SGCD: variants seen among roughly 807,000 people sequenced by gnomAD.
The protein encoded by SGCD is sarcoglycan delta.
SGCD carries 18 observed loss-of-function variants against 36.6 expected under a neutral mutation model. The observed-to-expected ratio is 0.49, with a 90% CI of 0.34 to 0.73. The LOEUF (loss-of-function observed/expected upper bound fraction) is 0.73, where lower values mean the gene tolerates loss of function less well. Ranked by LOEUF, SGCD falls within the 30% of genes least tolerant of loss-of-function variation. The probability of loss-of-function intolerance (pLI) is 0.01; values close to 1 mark genes in which losing one functional copy is unlikely to be tolerated. For missense variants in SGCD, 387 were observed against 346.7 expected (o/e 1.12, Z -0.92); for synonymous variants, 133 against 130.6 (o/e 1.02, Z -0.12).
At chr5:156,608,959 C>G (rs529214491) in intron 6 of SGCD, among the ~76,000 whole-genome samples, 2,621 of 152,110 alleles carry the variant, frequency 0.017, 15 homozygotes, top group Non-Finnish European at 0.029. Context: ...AGATGGGTTT[C>G]CTGAATACAG....
At chr5:156,214,038 C>G (rs1018915778) in intron 3 of SGCD, among the ~76,000 whole-genome samples, 1 of 151,930 alleles carries the variant, frequency 6.6e-6, no homozygotes, top group Non-Finnish European at 1.5e-5. Context: ...CTTCTGATAT[C>G]AGGAGCAAGA....
At chr5:155,767,656 A>T in the SGCD span, among the ~76,000 whole-genome samples, 14 of 152,282 alleles carry the variant, frequency 9.2e-5, no homozygotes, top group South Asian at 2.3e-3. Context: ...TGCTAACCAC[A>T]GTGATATTAC....
chr5:156,514,390 C>T (rs980922598), intron 4 of SGCD, among the ~76,000 whole-genome samples: 2 of 152,180 alleles, frequency 1.3e-5, no homozygotes, highest in African/African-American at 2.4e-5. Context: ...TCATGTTCAC[C>T]TCAAACTCCA....
chr5:155,753,163 C>T, the SGCD span, among the ~76,000 whole-genome samples: 325 of 151,200 alleles, frequency 2.1e-3, no homozygotes, highest in Middle Eastern at 0.01. Context: ...TGATGAAACC[C>T]TGTCTCTACT....
intron 6 of SGCD, among the ~76,000 whole-genome samples, chr5:156,613,363 A>C (rs1376164182): frequency 1.3e-5 from 2 of 152,242 alleles, no homozygotes; most frequent in South Asian, 4.1e-4. Context: ...TTCATATATC[A>C]GGTATGTTTG....
At chr5:155,889,786 C>T (rs1756083469) in intron 1 of SGCD, among the ~76,000 whole-genome samples, 1 of 152,146 alleles carries the variant, frequency 6.6e-6, no homozygotes, top group Non-Finnish European at 1.5e-5. Context: ...GTATTTGGGG[C>T]AACTTGATGT....
intron 4 of SGCD, 49 bp downstream of exon 4, chr5:156,508,751 A>G: frequency 9.3e-7 from 1 of 1,072,352 alleles, no homozygotes; most frequent in Non-Finnish European, 1.4e-6. Context: ...CTAGAATCTA[A>G]ATCTGGAGGA....
At chr5:156,249,148 G>A (rs943226080) in intron 3 of SGCD, among the ~76,000 whole-genome samples, 13 of 152,204 alleles carry the variant, frequency 8.5e-5, no homozygotes, top group Non-Finnish European at 1.5e-4. Context: ...GCCATGAATG[G>A]TGAGATTATG....
At chr5:156,379,426 C>G (rs111898051) in intron 3 of SGCD, among the ~76,000 whole-genome samples, 1,609 of 152,200 alleles carry the variant, frequency 0.011, 24 homozygotes, top group African/African-American at 0.031. Flanking sequence ...CTGAGGAACA[C>G]GCCATATGGA....
chr5:156,247,343 C>G (rs1765463083), intron 3 of SGCD, among the ~76,000 whole-genome samples: 1 of 152,102 alleles, frequency 6.6e-6, no homozygotes, highest in Admixed American at 6.5e-5. Flanking sequence ...CAAGGAAACA[C>G]TTAAATTTTA....
chr5:156,002,208 A>G (rs1027226725), intron 1 of SGCD, among the ~76,000 whole-genome samples: 1 of 152,120 alleles, frequency 6.6e-6, no homozygotes, highest in African/African-American at 2.4e-5. Context: ...TGATATCTGT[A>G]TAAGAAGATG....
intron 3 of SGCD, among the ~76,000 whole-genome samples, chr5:156,320,021 A>C (rs1767615618): frequency 6.6e-6 from 1 of 152,188 alleles, no homozygotes; most frequent in Non-Finnish European, 1.5e-5. Context: ...TCTTTCACAT[A>C]TCTAATAAAC....
chr5:155,965,778 A>T (rs1757889066), intron 1 of SGCD, among the ~76,000 whole-genome samples: 1 of 152,026 alleles, frequency 6.6e-6, no homozygotes, highest in Non-Finnish European at 1.5e-5. Flanking sequence ...AATAAATACG[A>T]AGGGCTCTAA....
intron 7 of SGCD, among the ~76,000 whole-genome samples, chr5:156,755,451 C>A (rs11135383): frequency 0.08 from 12,133 of 151,650 alleles, 776 homozygotes; most frequent in African/African-American, 0.17. Flanking sequence ...CAGAGAATGG[C>A]AAAAAAAACC....
At chr5:155,958,013 C>T (rs912226637) in intron 1 of SGCD, among the ~76,000 whole-genome samples, 2 of 151,986 alleles carry the variant, frequency 1.3e-5, no homozygotes, top group African/African-American at 4.8e-5. Context: ...AAGTCAACAG[C>T]TGGGAGGTGC....
chr5:155,841,662 G>C, the SGCD span, among the ~76,000 whole-genome samples: 35 of 151,978 alleles, frequency 2.3e-4, no homozygotes, highest in Non-Finnish European at 7.4e-5. Flanking sequence ...TGTTTTTCTA[G>C]TATGCCATTT....
At chr5:156,446,127 C>T (rs1753747558) in intron 3 of SGCD, among the ~76,000 whole-genome samples, 1 of 152,252 alleles carries the variant, frequency 6.6e-6, no homozygotes, top group Admixed American at 6.5e-5. Flanking sequence ...ATCTGAGATC[C>T]TGAACTCCAC....
At chr5:156,559,890 G>A (rs1166665231) in intron 4 of SGCD, among the ~76,000 whole-genome samples, 1 of 152,168 alleles carries the variant, frequency 6.6e-6, no homozygotes, top group African/African-American at 2.4e-5. Context: ...TTATTCTAAA[G>A]CAGTGTCAGT....
At chr5:156,335,188 A>C (rs1768281864) in intron 2 of SGCD, among the ~76,000 whole-genome samples, 1 of 152,196 alleles carries the variant, frequency 6.6e-6, no homozygotes, top group Non-Finnish European at 1.5e-5. Context: ...AAGCACCTCA[A>C]CTAGTACCTC....
Sources: allele counts gnomAD v4.1 joint callset (sites outside exome capture counted in the v4.1 genomes callset), GRCh38; gene constraint gnomAD v4.1.1; transcripts MANE v1.5; gene names NCBI Gene and HGNC (gene_info 2026-07-23, HGNC 2026-07-21).